Variants in MYRFL observed in about 807,000 individuals in gnomAD.
The protein encoded by MYRFL is myelin regulatory factor like.
In MYRFL, 88 loss-of-function variants were observed where a neutral mutation model predicts 109.4. The observed-to-expected ratio is 0.80, with a 90% CI of 0.68 to 0.96. MYRFL has a LOEUF of 0.96. MYRFL is among the 40% of genes least tolerant of loss of function. The pLI is 0.00. For missense variants in MYRFL, 957 were observed against 954.9 expected, an observed-to-expected ratio of 1.00 and a Z score of -0.03; for synonymous variants, 324 against 320.9, an observed-to-expected ratio of 1.01 and a Z score of -0.10.
intron 2 of MYRFL, among the ~76,000 whole-genome samples, chr12:69,864,969 A>T (rs1392285589): frequency 6.6e-6 from 1 of 152,186 alleles, no homozygotes; most frequent in Non-Finnish European, 1.5e-5. Flanking sequence ...AATCATCTAG[A>T]CTACTTTTTA....
chr12:69,842,293 T>G lies in MYRFL; in HGVS notation c.47-12987T>G, dbSNP rs545929811. 2.4e-4 allele frequency among the ~76,000 whole-genome samples: 37 copies of G among 152,272 alleles called. No individual in the cohort carries two copies. The South Asian group carries it at 3.1e-3, about 13-fold the overall frequency. ...AGAATTATAAACCTAATCACATCAC[T>G]CCCCTGCTTAAAGATTTTCAATGAC... On this transcript the variant is annotated intron_variant, in intron 1 of 24. Transcript: ENST00000552032.
chr12:69,891,698 T>TTTCTTTCTTTCTTTCG (rs1886915476), intron 7 of MYRFL, among the ~76,000 whole-genome samples: 1 of 134,776 alleles, frequency 7.4e-6, no homozygotes, highest in African/African-American at 2.8e-5. Context: ...TCGTTCGTTC[T>TTTCTTTCTTTCTTTCG]TTCTTTCTTT....
At chr12:69,954,968 A>G (rs752915349) in intron 21 of MYRFL, among the ~76,000 whole-genome samples, 10 of 152,112 alleles carry the variant, frequency 6.6e-5, no homozygotes, top group Non-Finnish European at 1.0e-4. Flanking sequence ...GAAAAAATGT[A>G]TTTATTATTC....
At chr12:69,939,756 G>A (rs1381952429) in intron 19 of MYRFL, among the ~76,000 whole-genome samples, 1 of 151,504 alleles carries the variant, frequency 6.6e-6, no homozygotes, top group Non-Finnish European at 1.5e-5. Context: ...AGCTACGGGA[G>A]GACATTCAAA....
At chr12:69,927,224 C>T (rs577511729) in intron 14 of MYRFL, among the ~76,000 whole-genome samples, 59 of 151,842 alleles carry the variant, frequency 3.9e-4, no homozygotes, top group Non-Finnish European at 1.2e-4. Flanking sequence ...GGATTATAGG[C>T]GTGAGCCACC....
chr12:69,939,568 T>G (rs1339690320), intron 19 of MYRFL, among the ~76,000 whole-genome samples: 1 of 151,508 alleles, frequency 6.6e-6, no homozygotes, highest in African/African-American at 2.4e-5. Context: ...AGACCAAAAG[T>G]AGAAAAAAAC....
chr12:69,858,050 T>C (rs1490496255), intron 2 of MYRFL, among the ~76,000 whole-genome samples: 1 of 151,886 alleles, frequency 6.6e-6, no homozygotes, highest in Non-Finnish European at 1.5e-5. Context: ...CACTGTTAGT[T>C]TGCTGATAAT....
intron 2 of MYRFL, 84 bp from the exon 3 acceptor site, chr12:69,878,944 A>G: frequency 1.4e-6 from 1 of 700,928 alleles, no homozygotes; most frequent in Non-Finnish European, 2.6e-6. Context: ...TGGGGGCTGT[A>G]CACTGAGGGT....
intron 16 of MYRFL, 84 bp downstream of exon 16, chr12:69,932,682 G>A: frequency 9.9e-7 from 1 of 1,009,622 alleles, no homozygotes; most frequent in South Asian, 1.5e-5. Flanking sequence ...CTGGGGACTG[G>A]CCTGTTTACT....
chr12:69,840,751 A>G (rs1340616366), intron 1 of MYRFL, among the ~76,000 whole-genome samples: 1 of 152,186 alleles, frequency 6.6e-6, no homozygotes, highest in Non-Finnish European at 1.5e-5. Flanking sequence ...TTCTTGGTAG[A>G]CACATGCAGG....
intron 1 of MYRFL, among the ~76,000 whole-genome samples, chr12:69,830,891 C>T (rs951276788): frequency 1.3e-5 from 2 of 152,026 alleles, no homozygotes; most frequent in Non-Finnish European, 2.9e-5. Context: ...GGAGGACTCC[C>T]CACCTTCTTT....
chr12:69,951,505 A>G (rs1391681601), intron 19 of MYRFL, among the ~76,000 whole-genome samples: 7 of 137,268 alleles, frequency 5.1e-5, no homozygotes, highest in African/African-American at 1.9e-4. Context: ...TCGGCTCACC[A>G]CAACCTCCGC....
At chr12:69,868,902 ACACGCG>A (rs1885172313) in intron 2 of MYRFL, among the ~76,000 whole-genome samples, 1 of 150,654 alleles carries the variant, frequency 6.6e-6, no homozygotes, top group Non-Finnish European at 1.5e-5. Context: ...ACACGTACGC[ACACGCG>A]CACACACACA....
chr12:69,928,875 T>C (rs780811817), intron 15 of MYRFL, among the ~76,000 whole-genome samples: 1 of 152,252 alleles, frequency 6.6e-6, no homozygotes, highest in South Asian at 2.1e-4. Context: ...ACAGAGGGAA[T>C]GGTATCCACA....
At chr12:69,825,921 C>T (rs1250882334) in intron 1 of MYRFL, among the ~76,000 whole-genome samples, 1 of 151,892 alleles carries the variant, frequency 6.6e-6, no homozygotes, top group African/African-American at 2.4e-5. Flanking sequence ...TGAAGGGAAA[C>T]GTGACCATCA....
At chr12:69,945,440 T>C (rs970881040) in intron 19 of MYRFL, among the ~76,000 whole-genome samples, 21 of 152,200 alleles carry the variant, frequency 1.4e-4, no homozygotes, top group African/African-American at 4.8e-4. Flanking sequence ...TGTGTTACAA[T>C]TGCCAACAGT....
chr12:69,833,933 G>C (rs1373917372), intron 1 of MYRFL, among the ~76,000 whole-genome samples: 1 of 147,388 alleles, frequency 6.8e-6, no homozygotes, highest in African/African-American at 2.5e-5. Context: ...GAAAATCCCA[G>C]CTCTAGCACA....
intron 1 of MYRFL, among the ~76,000 whole-genome samples, chr12:69,842,960 A>G (rs1883330004): frequency 1.3e-5 from 2 of 152,334 alleles, no homozygotes; most frequent in Admixed American, 1.3e-4. Context: ...CAGAATGAAC[A>G]CTAAGTAAAT....
At chr12:69,830,297 T>C (rs950342642) in intron 1 of MYRFL, among the ~76,000 whole-genome samples, 1 of 151,274 alleles carries the variant, frequency 6.6e-6, no homozygotes, top group Admixed American at 6.6e-5. Flanking sequence ...AGATAATATA[T>C]AGAGAGATAA....
Sources: allele counts gnomAD v4.1 joint callset (sites outside exome capture counted in the v4.1 genomes callset), GRCh38; gene constraint gnomAD v4.1.1; transcripts MANE v1.5; gene names NCBI Gene and HGNC (gene_info 2026-07-23, HGNC 2026-07-21).